The following ESRRG variants were observed in gnomAD, a reference collection of about 807,000 sequenced individuals.
ESRRG encodes estrogen related receptor gamma, also known as estrogen-related receptor gamma.
A neutral mutation model predicts 44.0 loss-of-function variants in ESRRG; 13 were observed. That is an observed-to-expected ratio of 0.30 (90% CI 0.19 to 0.47). ESRRG has a LOEUF of 0.47. Among genes scored for constraint, ESRRG ranks in the 20% least tolerant of loss-of-function variants. ESRRG has a pLI of 1.00. For synonymous variants in ESRRG, 215 were observed against 214.6 expected, an observed-to-expected ratio of 1.00 and a Z score of -0.02; for missense variants, 395 against 580.6, an observed-to-expected ratio of 0.68 and a Z score of 3.29.
chr1:216,781,448 C>A (rs941510312), intron 2 of ESRRG, among the ~76,000 whole-genome samples: 2 of 152,024 alleles, frequency 1.3e-5, no homozygotes, highest in African/African-American at 2.4e-5. Flanking sequence ...TCCCATTTCT[C>A]AACATCCAAC....
Position 216,822,852 on chromosome 1 carries a change from A to C in ESRRG, c.-14+116730T>G, listed in dbSNP as rs550836615. 4.6e-5 allele frequency among the ~76,000 whole-genome samples: 7 copies of C among 152,348 alleles called. No homozygotes were observed. In the East Asian group the frequency reaches 1.3e-3, roughly 29 times the overall value. On this transcript the variant is annotated intron_variant, in intron 2 of 7. Coordinates refer to the ESRRG transcript ENST00000359162. ...AATCTTACAGATTGATAAGGAAGCC[A>C]TACAACCCAGATGCTTATCTTCATT...
At chr1:216,863,234 A>T (rs1378570550) in intron 2 of ESRRG, 1 of 152,174 alleles carries the variant, frequency 6.6e-6, no homozygotes, top group Non-Finnish European at 1.5e-5. Flanking sequence ...TGGTCCCAGG[A>T]CCACACTTTT....
intron 1 of ESRRG, among the ~76,000 whole-genome samples, chr1:216,684,897 C>A (rs1271633140): frequency 6.6e-6 from 1 of 152,174 alleles, no homozygotes; most frequent in Non-Finnish European, 1.5e-5. Flanking sequence ...TGTATATTTG[C>A]CCTAATGCAG....
chr1:216,543,052 C>T (rs1299234542), intron 5 of ESRRG, among the ~76,000 whole-genome samples: 1 of 152,006 alleles, frequency 6.6e-6, no homozygotes, highest in Non-Finnish European at 1.5e-5. Context: ...ATAGCCATAG[C>T]ACCCTATTGA....
At chr1:216,931,179 C>T (rs1007951452) in intron 2 of ESRRG, among the ~76,000 whole-genome samples, 3 of 152,138 alleles carry the variant, frequency 2.0e-5, no homozygotes, top group Non-Finnish European at 2.9e-5. Flanking sequence ...AGATGACATG[C>T]ACGTTTCTCC....
At chr1:216,903,368 C>T (rs978631021) in intron 2 of ESRRG, among the ~76,000 whole-genome samples, 3 of 151,042 alleles carry the variant, frequency 2.0e-5, no homozygotes, top group Admixed American at 6.6e-5. Flanking sequence ...CAAAGAGAGC[C>T]GTGTGTGTTT....
intron 2 of ESRRG, among the ~76,000 whole-genome samples, chr1:216,793,660 C>T (rs2094390798): frequency 6.6e-6 from 1 of 152,174 alleles, no homozygotes; most frequent in Admixed American, 6.5e-5. Context: ...CTCTCAGAAA[C>T]TGTATAAGAT....
chr1:217,072,397 T>C (rs1000641724), intron 1 of ESRRG, among the ~76,000 whole-genome samples: 4 of 152,258 alleles, frequency 2.6e-5, no homozygotes, highest in African/African-American at 9.6e-5. Context: ...TTCTACCATA[T>C]ACCACTGACC....
At chr1:216,792,157 G>C (rs1332279230) in intron 2 of ESRRG, among the ~76,000 whole-genome samples, 1 of 152,086 alleles carries the variant, frequency 6.6e-6, no homozygotes, top group Non-Finnish European at 1.5e-5. Context: ...CTACCTAAGT[G>C]CATACATAAT....
intron 5 of ESRRG, among the ~76,000 whole-genome samples, chr1:216,545,644 C>T (rs1174302534): frequency 6.6e-6 from 1 of 151,946 alleles, no homozygotes; most frequent in African/African-American, 2.4e-5. Flanking sequence ...GATGAATACA[C>T]ACATACTTAT....
chr1:216,951,355 A>T (rs539470674), intron 1 of ESRRG, among the ~76,000 whole-genome samples: 1 of 152,312 alleles, frequency 6.6e-6, no homozygotes, highest in East Asian at 1.9e-4. Flanking sequence ...CACTTTCTTG[A>T]CTGCTTAAAA....
intron 1 of ESRRG, chr1:216,686,024 A>T: frequency 6.6e-6 from 1 of 152,220 alleles, no homozygotes; most frequent in East Asian, 1.9e-4. Context: ...GTGCAGCACA[A>T]TCAGAGATAA....
intron 2 of ESRRG, among the ~76,000 whole-genome samples, chr1:216,651,903 A>AT (rs937462814): frequency 9.9e-5 from 15 of 151,606 alleles, no homozygotes; most frequent in East Asian, 3.9e-4. Flanking sequence ...TCCAAACTAA[A>AT]TTTTTTTTTC....
intron 2 of ESRRG, among the ~76,000 whole-genome samples, chr1:216,809,268 T>C (rs923502054): frequency 6.6e-6 from 1 of 151,754 alleles, no homozygotes; most frequent in Non-Finnish European, 1.5e-5. Context: ...TTTATTGTTG[T>C]TTTAAAATTT....
intron 1 of ESRRG, among the ~76,000 whole-genome samples, chr1:217,042,940 T>C (rs1363200945): frequency 6.6e-6 from 1 of 152,092 alleles, no homozygotes; most frequent in Non-Finnish European, 1.5e-5. Flanking sequence ...TATGATACTG[T>C]CTTCTCTGGG....
At chr1:216,667,494 T>G (rs2074188230) in intron 2 of ESRRG, among the ~76,000 whole-genome samples, 1 of 151,886 alleles carries the variant, frequency 6.6e-6, no homozygotes, top group African/African-American at 2.4e-5. Flanking sequence ...GAGACCAGCT[T>G]GGCAAACATG....
At chr1:216,680,890 A>G (rs2076927661) in intron 1 of ESRRG, among the ~76,000 whole-genome samples, 1 of 152,188 alleles carries the variant, frequency 6.6e-6, no homozygotes, top group South Asian at 2.1e-4. Flanking sequence ...CATTAACTCT[A>G]AGAGGAATGT....
chr1:216,555,469 C>T (rs752412818), intron 5 of ESRRG, among the ~76,000 whole-genome samples: 27 of 149,854 alleles, frequency 1.8e-4, no homozygotes, highest in East Asian at 5.9e-4. Context: ...ATTATATGCA[C>T]AAAATATAGT....
chr1:217,014,047 T>C (rs892507658), intron 1 of ESRRG, among the ~76,000 whole-genome samples: 1 of 152,092 alleles, frequency 6.6e-6, no homozygotes, highest in African/African-American at 2.4e-5. Flanking sequence ...TTTGACTTCC[T>C]GCATCTGCTT....
Sources: allele counts gnomAD v4.1 joint callset (sites outside exome capture counted in the v4.1 genomes callset), GRCh38; gene constraint gnomAD v4.1.1; transcripts MANE v1.5; gene names NCBI Gene and HGNC (gene_info 2026-07-23, HGNC 2026-07-21).